ASB5: variants seen among roughly 807,000 people sequenced by gnomAD.
ASB5 encodes ankyrin repeat and SOCS box protein 5.
A neutral mutation model predicts 42.1 loss-of-function variants in ASB5; 45 were observed. That is an observed-to-expected ratio of 1.07 (90% confidence interval 0.84 to 1.37). ASB5 has a LOEUF of 1.37. Among genes scored for constraint, ASB5 ranks in the 40% most tolerant of loss-of-function variants. The pLI is 0.00. For missense variants in ASB5, 402 were observed against 399.8 expected (o/e 1.01, Z -0.05); for synonymous variants, 147 against 150.6 (o/e 0.98, Z 0.18).
intron 5 of ASB5, among the ~76,000 whole-genome samples, chr4:176,218,055 T>C (rs1753022565): frequency 6.7e-6 from 1 of 149,988 alleles, no homozygotes; most frequent in Admixed American, 6.8e-5. Context: ...ACTTTGTTGG[T>C]TATGTCAATT....
chr4:176,237,461 G>A (rs1207105558), intron 1 of ASB5: 13 of 985,906 alleles, frequency 1.3e-5, no homozygotes, highest in Non-Finnish European at 1.4e-5. Flanking sequence ...GGTGTCATAA[G>A]TGCAAATGCT....
chr4:176,263,798 A>C (rs1012319353), intron 1 of ASB5, among the ~76,000 whole-genome samples: 1 of 152,198 alleles, frequency 6.6e-6, no homozygotes, highest in Non-Finnish European at 1.5e-5. Flanking sequence ...GCTCCTCAGA[A>C]ACAGGTATAG....
At chr4:176,231,693 A>T (rs907118647) in intron 1 of ASB5, among the ~76,000 whole-genome samples, 3 of 150,950 alleles carry the variant, frequency 2.0e-5, no homozygotes, top group African/African-American at 7.3e-5. Context: ...AATTAAAAAA[A>T]ATTATCTGGG....
intron 1 of ASB5, among the ~76,000 whole-genome samples, chr4:176,276,523 C>A (rs1218760755): frequency 4.6e-5 from 7 of 152,180 alleles, no homozygotes; most frequent in African/African-American, 1.7e-4. Context: ...ATAGCTGTAA[C>A]TTCTTAAGAA....
At chr4:176,266,314 G>T (rs927360410) in intron 1 of ASB5, among the ~76,000 whole-genome samples, 1 of 152,142 alleles carries the variant, frequency 6.6e-6, no homozygotes, top group African/African-American at 2.4e-5. Context: ...CATCAGAAAT[G>T]TTGGGGAGCA....
chr4:176,230,612 T>C (rs1483728612), intron 1 of ASB5, among the ~76,000 whole-genome samples: 2 of 152,216 alleles, frequency 1.3e-5, no homozygotes, highest in Non-Finnish European at 2.9e-5. Context: ...ACAATGTATA[T>C]CACATTCCAA....
rs566913417 is a variant in ASB5, at chr4:176,258,657, T to C, written c.196+10256A>G. Among the ~76,000 whole-genome samples the C allele has an allele frequency of 9.2e-5, 14 of 152,160 alleles. No individual in the cohort carries two copies. The East Asian group carries it at 2.7e-3, about 29-fold the overall frequency. On this transcript the variant is annotated intron_variant, in intron 1 of 6. Coordinates refer to ENST00000296525, the MANE Select transcript of ASB5 (RefSeq NM_080874.4). ...CTTAGGTTAATTATAAAGTACATAG[T>C]TTTTTTTCTTCTACTTAAAAACATT...
Position 176,221,945 on chromosome 4 carries a change from C to G in ASB5, c.385-345G>C, listed in dbSNP as rs553129889. Reference sequence around the variant, plus strand: ...TAATGATGATGAAGTTGTAATGAAGCCACATTGCTAGTTTAAAGTGGTAAA... The same window carrying G: ...TAATGATGATGAAGTTGTAATGAAGGCACATTGCTAGTTTAAAGTGGTAAA... On this transcript the variant is annotated intron_variant, in intron 3 of 6. Transcript: ENST00000296525. 7.2e-5 allele frequency among the ~76,000 whole-genome samples: 11 copies of G among 152,136 alleles called. No individual in the cohort carries two copies. In the South Asian group the frequency reaches 2.3e-3, roughly 32 times the overall value.
intron 1 of ASB5, among the ~76,000 whole-genome samples, chr4:176,277,004 G>A (rs1435733824): frequency 1.3e-5 from 2 of 152,138 alleles, no homozygotes; most frequent in East Asian, 1.9e-4. Context: ...GTTATGAGCC[G>A]TGTGAACTCA....
chr4:176,248,991 G>T (rs537406786), intron 1 of ASB5, among the ~76,000 whole-genome samples: 18 of 152,190 alleles, frequency 1.2e-4, no homozygotes, highest in Non-Finnish European at 2.2e-4. Context: ...TTTTGAGACA[G>T]AGTCTTGTTC....
At chr4:176,253,376 T>C (rs1432077492) in intron 1 of ASB5, among the ~76,000 whole-genome samples, 2 of 152,236 alleles carry the variant, frequency 1.3e-5, no homozygotes, top group Non-Finnish European at 2.9e-5. Context: ...ACTGGTATTT[T>C]ACCAAGTTTC....
upstream of ASB5, among the ~76,000 whole-genome samples, chr4:176,272,511 C>T (rs1260762947): frequency 1.3e-5 from 2 of 152,142 alleles, no homozygotes; most frequent in Admixed American, 6.5e-5. Context: ...TGGCTTTCCT[C>T]CTGCTGTCAC....
intron 1 of ASB5, among the ~76,000 whole-genome samples, chr4:176,255,135 A>G (rs1284702550): frequency 3.3e-5 from 5 of 152,176 alleles, no homozygotes. Context: ...ATCTTCAAAG[A>G]AACAAACAAA....
In ASB5 at chr4:176,254,267, C is replaced by T. The variant is rs574491122; in HGVS notation, c.196+14646G>A. 3.6e-4 allele frequency among the ~76,000 whole-genome samples: 55 copies of T among 152,250 alleles called. 1 individual carries two copies. In the South Asian group the frequency reaches 0.01, roughly 29 times the overall value. On this transcript the variant is annotated intron_variant, in intron 1 of 6. Transcript: ENST00000296525. ...AGAGTGCAGAAATGCTGCAGACCTA[C>T]GGCCCTCTGATCTTCAACAAAGTTG... is the stretch of plus-strand genomic sequence containing the variant.
Position 176,216,914 on chromosome 4 carries a change from C to G in ASB5, c.766G>C (p.Gly256Arg). The change falls in exon 6 of 7, where the codon GGA (glycine) becomes CGA (arginine). Residue 256 changes from glycine to arginine, a missense_variant. Physicochemically the swap from Gly to Arg is moderately radical, Grantham distance 125. Transcript: ENST00000296525. ...TEIVNLLLEF[G>R]ADINAKNTEL... is the part of the protein sequence containing the mutation. The stretch of plus-strand genomic sequence containing the variant: ...GTATTTTTGGCATTGATATCTGCTC[C>G]AAATTCTAGCAGTAAGTTTACAATT... 6.2e-7 allele frequency: 1 copy of G among 1,613,968 alleles called. No individual in the cohort carries two copies. Among genetic ancestry groups the G allele is most frequent in the Non-Finnish European group, 8.5e-7 (1 of 1,179,900 alleles).
At chr4:176,263,690 T>C (rs1056493800) in intron 1 of ASB5, among the ~76,000 whole-genome samples, 2 of 152,180 alleles carry the variant, frequency 1.3e-5, no homozygotes, top group Non-Finnish European at 2.9e-5. Flanking sequence ...TCCTACAGAT[T>C]TGCTACAGAT....
chr4:176,240,467 G>C lies in ASB5; in HGVS notation c.197-15126C>G, dbSNP rs6832442. 6.1e-3 allele frequency among the ~76,000 whole-genome samples: 925 copies of C among 152,214 alleles called. 7 individuals are homozygous for C. The highest frequency in any genetic ancestry group is 0.02 in the African/African-American group (817 of 41,534). ...CAGTGGGAAAGTGATGTTAAAGCTG[G>C]AAAGTTTCAAAGAAGGGCACTGGAA... On this transcript the variant is annotated intron_variant, in intron 1 of 6. Transcript: ENST00000296525.
intron 2 of ASB5, among the ~76,000 whole-genome samples, chr4:176,222,841 A>T (rs1026430170): frequency 6.6e-6 from 1 of 152,096 alleles, no homozygotes; most frequent in Admixed American, 6.6e-5. Context: ...GCAGTGGCGC[A>T]ATCTCGGCTC....
intron 1 of ASB5, among the ~76,000 whole-genome samples, chr4:176,232,370 C>T (rs1023150561): frequency 2.0e-5 from 3 of 151,982 alleles, no homozygotes; most frequent in African/African-American, 7.3e-5. Context: ...ATGATCCACC[C>T]GCCTCGGCCT....
Sources: gnomAD v4.1 joint callset for allele counts (sites outside exome capture counted in the v4.1 genomes callset) on GRCh38, gnomAD v4.1.1 for gene constraint, MANE v1.5 for transcripts, NCBI Gene and HGNC (gene_info 2026-07-23, HGNC 2026-07-21) for gene names.